The following DAB2IP variants were observed in gnomAD, a reference collection of about 807,000 sequenced individuals.
DAB2IP encodes the protein DAB2 interacting protein.
In DAB2IP, 28 loss-of-function variants were observed where a neutral mutation model predicts 107.2. The observed-to-expected ratio is 0.26, with a 90% CI of 0.19 to 0.36. DAB2IP has a LOEUF of 0.36. Ranked by LOEUF, DAB2IP falls within the 10% of genes least tolerant of loss-of-function variation. DAB2IP has a pLI of 1.00. For synonymous variants in DAB2IP, 755 were observed against 706.4 expected (o/e 1.07, Z -1.09); for missense variants, 1,400 against 1,644.7 (o/e 0.85, Z 2.57).
Position 121,734,001 on chromosome 9 carries a change from G to T in DAB2IP, c.363-23012G>T, listed in dbSNP as rs192810479. Among the ~76,000 whole-genome samples the T allele has an allele frequency of 1.7e-3, 255 of 152,360 alleles. 3 individuals are homozygous for T. Among genetic ancestry groups the T allele is most frequent in the African/African-American group, 5.9e-3 (244 of 41,584 alleles). ...GGAGATGCTGAAACCAGGAGTGACT[G>T]GATCAGGGCAGCTTCTGAAATTCCC... On this transcript the variant is annotated intron_variant, in intron 3 of 15. Coordinates refer to ENST00000408936, the Ensembl canonical transcript of DAB2IP.
At chr9:121,577,539 C>A (rs1029976784) in intron 1 of DAB2IP, among the ~76,000 whole-genome samples, 1 of 152,240 alleles carries the variant, frequency 6.6e-6, no homozygotes, top group African/African-American at 2.4e-5. Flanking sequence ...GGGGCCCACA[C>A]TCCTGCTCTG....
At chr9:121,606,113 C>T (rs758812386) in intron 1 of DAB2IP, among the ~76,000 whole-genome samples, 6 of 151,902 alleles carry the variant, frequency 3.9e-5, no homozygotes, top group South Asian at 2.1e-4. Context: ...GAAGCCAAGG[C>T]GGGGGATCAC....
rs184096383 is a variant in DAB2IP, at chr9:121,780,181, C to T, written c.3315-1283C>T. On this transcript the variant is annotated intron_variant, in intron 14 of 15. Transcript: ENST00000408936. Reference sequence around the variant, plus strand: ...GATTATAGGCGTGAGCCAATGTGCCCGGCCCTATTTGTTTTTAAGACAAGA... The same window carrying T: ...GATTATAGGCGTGAGCCAATGTGCCTGGCCCTATTTGTTTTTAAGACAAGA... Among the ~76,000 whole-genome samples, 56 of 152,288 alleles carry T rather than the reference C, an allele frequency of 3.7e-4. 1 individual carries two copies. The highest frequency in any genetic ancestry group is 1.3e-3 in the African/African-American group (54 of 41,522).
chr9:121,737,119 A>C, intron 3 of DAB2IP: 1 of 919,868 alleles, frequency 1.1e-6, no homozygotes, highest in South Asian at 5.0e-5. Context: ...GGGCGGAGTC[A>C]GTATGTTAGG....
intron 3 of DAB2IP, among the ~76,000 whole-genome samples, chr9:121,721,021 G>T (rs1253320970): frequency 1.3e-5 from 2 of 152,238 alleles, no homozygotes; most frequent in Admixed American, 6.5e-5. Flanking sequence ...CCTTGGCTTT[G>T]TGAGTTATTG....
At chr9:121,771,679 G>A (rs1307799540) in intron 11 of DAB2IP, among the ~76,000 whole-genome samples, 2 of 152,170 alleles carry the variant, frequency 1.3e-5, no homozygotes, top group Non-Finnish European at 2.9e-5. Context: ...CTGACCTGGT[G>A]TGTGGCCTGG....
chr9:121,595,064 G>A (rs1300607161), intron 1 of DAB2IP, among the ~76,000 whole-genome samples: 1 of 152,176 alleles, frequency 6.6e-6, no homozygotes, highest in East Asian at 1.9e-4. Context: ...AAGGACCCCA[G>A]TGAAGATTGC....
At chr9:121,766,853 TCA>T in intron 9 of DAB2IP, 123 bp downstream of exon 9, 1 of 930,500 alleles carries the variant, frequency 1.1e-6, no homozygotes, top group Non-Finnish European at 1.6e-6. Flanking sequence ...TTTGTCCCTG[TCA>T]TCCTCAGTCC....
chr9:121,781,008 C>T (rs1399351281), intron 14 of DAB2IP, among the ~76,000 whole-genome samples: 2 of 152,238 alleles, frequency 1.3e-5, no homozygotes, highest in African/African-American at 4.8e-5. Flanking sequence ...GCCTTGTGAA[C>T]TCCTTGAGGG....
chr9:121,757,593 C>T (rs1833582983), intron 4 of DAB2IP, among the ~76,000 whole-genome samples: 2 of 150,960 alleles, frequency 1.3e-5, no homozygotes, highest in South Asian at 4.1e-4. Context: ...TCTGTCCTGC[C>T]CTGGCATTCT....
intron 6 of DAB2IP, among the ~76,000 whole-genome samples, chr9:121,762,641 G>C (rs1376044002): frequency 1.3e-5 from 2 of 152,198 alleles, no homozygotes; most frequent in African/African-American, 4.8e-5. Flanking sequence ...ACCCCTCCTG[G>C]GCACCTTGCA....
intron 1 of DAB2IP, among the ~76,000 whole-genome samples, chr9:121,676,377 C>G (rs893993616): frequency 6.6e-6 from 1 of 152,192 alleles, no homozygotes; most frequent in African/African-American, 2.4e-5. Flanking sequence ...CAGTAGGTAC[C>G]TGGGGTGGGT....
At chr9:121,670,005 C>G (rs540507652) in intron 1 of DAB2IP, among the ~76,000 whole-genome samples, 39 of 152,326 alleles carry the variant, frequency 2.6e-4, no homozygotes, top group African/African-American at 9.1e-4. Context: ...CTGCAATCAG[C>G]ATCCAGGACT....
At chr9:121,780,494 G>A (rs1835533751) in intron 14 of DAB2IP, among the ~76,000 whole-genome samples, 1 of 152,196 alleles carries the variant, frequency 6.6e-6, no homozygotes, top group African/African-American at 2.4e-5. Context: ...GCTGCTCTAG[G>A]CTGGAGGAAT....
At chr9:121,651,499 C>A (rs911051075), upstream of DAB2IP, 1 of 257,656 alleles carries the variant, frequency 3.9e-6, no homozygotes, top group South Asian at 1.5e-4. The surrounding 1 kb of genome is among the most constrained non-coding windows in gnomAD (Gnocchi z 5.1). Flanking sequence ...CTCGCCCCGC[C>A]GATTCCAGGC....
At chr9:121,656,447 C>T (rs1832976248) in intron 1 of DAB2IP, among the ~76,000 whole-genome samples, 1 of 152,356 alleles carries the variant, frequency 6.6e-6, no homozygotes, top group East Asian at 1.9e-4. Flanking sequence ...TGCAAGGGCC[C>T]TAGGCCTGGC....
At chr9:121,580,081 C>T (rs185310646) in intron 1 of DAB2IP, among the ~76,000 whole-genome samples, 2 of 152,252 alleles carry the variant, frequency 1.3e-5, no homozygotes, top group Non-Finnish European at 2.9e-5. Flanking sequence ...TAAACCCCTC[C>T]TCCTTTTTTC....
At chr9:121,689,186 A>G (rs1423911545) in intron 2 of DAB2IP, among the ~76,000 whole-genome samples, 2 of 151,694 alleles carry the variant, frequency 1.3e-5, no homozygotes, top group East Asian at 3.9e-4. Context: ...CCCAGCTACT[A>G]TGGAGGCTGA....
chr9:121,768,746 G>T, intron 10 of DAB2IP, 113 bp downstream of exon 10: 1 of 1,330,648 alleles, frequency 7.5e-7, no homozygotes, highest in Non-Finnish European at 1.0e-6. Context: ...GGCATGATCA[G>T]GCCAGGTCCT....
Sources: gnomAD v4.1 joint callset for allele counts (sites outside exome capture counted in the v4.1 genomes callset) on GRCh38, gnomAD v4.1.1 for gene constraint, Gnocchi (gnomAD v3.1) non-coding constraint, MANE v1.5 for transcripts, NCBI Gene and HGNC (gene_info 2026-07-23, HGNC 2026-07-21) for gene names.